The following VDAC1 variants were observed in gnomAD, a reference collection of about 807,000 sequenced individuals.
VDAC1 encodes voltage dependent anion channel 1, also known as non-selective voltage-gated ion channel VDAC1.
A neutral mutation model predicts 34.7 loss-of-function variants in VDAC1; 10 were observed. The observed-to-expected ratio is 0.29, with a 90% CI of 0.18 to 0.49. VDAC1 has a LOEUF of 0.49. Among genes scored for constraint, VDAC1 ranks in the 20% least tolerant of loss-of-function variants. VDAC1 has a pLI of 0.99. For synonymous variants in VDAC1, 130 were observed against 136.0 expected (o/e 0.96, Z 0.30); for missense variants, 230 against 347.9 (o/e 0.66, Z 2.69).
At chr5:134,089,694 G>A in the VDAC1 span, among the ~76,000 whole-genome samples, 1 of 114,674 alleles carries the variant, frequency 8.7e-6, no homozygotes, top group Non-Finnish European at 1.6e-5. Context: ...TCATGGCCGG[G>A]TGCGGTGGCT....
rs567451916 is a variant in VDAC1, at chr5:133,982,731, A to C, written c.324-1775T>G. ...ATGGCAAAACCCCATCTCTACTAAAAATGCAAAAATTAGCTGGGTGTGGTG... is the reference window on the plus strand; with the variant it reads ...ATGGCAAAACCCCATCTCTACTAAACATGCAAAAATTAGCTGGGTGTGGTG... On this transcript the variant is annotated intron_variant, in intron 5 of 8. Transcript: ENST00000265333. Among the ~76,000 whole-genome samples the C allele has an allele frequency of 2.2e-4, 33 of 151,582 alleles. 1 individual carries two copies. The highest frequency in any genetic ancestry group is 9.2e-4 in the Admixed American group (14 of 15,206).
the VDAC1 span, among the ~76,000 whole-genome samples, chr5:134,019,664 T>A: frequency 6.6e-6 from 1 of 152,102 alleles, no homozygotes; most frequent in African/African-American, 2.4e-5. Context: ...AGAAGCCACA[T>A]TTCTCTACCT....
the VDAC1 span, among the ~76,000 whole-genome samples, chr5:134,011,935 C>T: frequency 2.0e-5 from 3 of 152,024 alleles, no homozygotes; most frequent in Non-Finnish European, 4.4e-5. Flanking sequence ...CCACCATGCC[C>T]GGCCTACAGT....
the VDAC1 span, among the ~76,000 whole-genome samples, chr5:134,052,542 C>G: frequency 6.6e-6 from 1 of 152,106 alleles, no homozygotes; most frequent in Admixed American, 6.6e-5. Context: ...GTGATCCTCC[C>G]AAAGTGCTGG....
At chr5:134,085,463 G>A in the VDAC1 span, among the ~76,000 whole-genome samples, 1 of 151,976 alleles carries the variant, frequency 6.6e-6, no homozygotes, top group South Asian at 2.1e-4. Context: ...ACACAATTAT[G>A]GGACCTCCTC....
the VDAC1 span, among the ~76,000 whole-genome samples, chr5:134,083,046 C>G: frequency 3.3e-5 from 5 of 152,112 alleles, no homozygotes; most frequent in Non-Finnish European, 7.3e-5. Flanking sequence ...AATATGGTAA[C>G]CTTGCAATGG....
chr5:134,017,790 G>A, the VDAC1 span, among the ~76,000 whole-genome samples: 13 of 152,142 alleles, frequency 8.5e-5, no homozygotes, highest in Non-Finnish European at 1.6e-4. Context: ...GCAGGCGACT[G>A]TAGTCCCAGC....
At chr5:134,054,713 G>T in the VDAC1 span, among the ~76,000 whole-genome samples, 2 of 152,164 alleles carry the variant, frequency 1.3e-5, no homozygotes, top group African/African-American at 4.8e-5. Context: ...CGCCCACCTT[G>T]GCCTCCCAAT....
At chr5:134,052,130 A>T in the VDAC1 span, among the ~76,000 whole-genome samples, 3 of 152,176 alleles carry the variant, frequency 2.0e-5, no homozygotes, top group Non-Finnish European at 4.4e-5. Context: ...AGGAAGATGC[A>T]TCTTCTTACC....
the VDAC1 span, among the ~76,000 whole-genome samples, chr5:134,058,380 C>T: frequency 2.0e-5 from 3 of 151,874 alleles, no homozygotes; most frequent in South Asian, 6.3e-4. Context: ...GTGGTGCAAT[C>T]TCGGCTCACT....
the VDAC1 span, among the ~76,000 whole-genome samples, chr5:134,052,988 G>A: frequency 6.6e-6 from 1 of 152,152 alleles, no homozygotes; most frequent in East Asian, 1.9e-4. Flanking sequence ...GGTGGTGCAC[G>A]CCTGTAATCC....
At chr5:134,074,646 C>T in the VDAC1 span, among the ~76,000 whole-genome samples, 1 of 152,146 alleles carries the variant, frequency 6.6e-6, no homozygotes, top group South Asian at 2.1e-4. Flanking sequence ...CTTCCCAGGC[C>T]TCTTCTCCTC....
the VDAC1 span, among the ~76,000 whole-genome samples, chr5:134,104,867 G>A: frequency 6.6e-6 from 1 of 152,240 alleles, no homozygotes; most frequent in East Asian, 1.9e-4. Context: ...GCACTCGGAG[G>A]AGCTGCCCTG....
the VDAC1 span, among the ~76,000 whole-genome samples, chr5:134,071,297 C>G: frequency 6.6e-6 from 1 of 152,226 alleles, no homozygotes; most frequent in Non-Finnish European, 1.5e-5. This position sits in a 1 kb window ranked among gnomAD's most constrained non-coding sequence, Gnocchi z 4.1. Flanking sequence ...GCAGCCAGCG[C>G]GGCCACTTCA....
the VDAC1 span, among the ~76,000 whole-genome samples, chr5:134,037,556 C>T: frequency 6.6e-6 from 1 of 152,242 alleles, no homozygotes; most frequent in Admixed American, 6.5e-5. Flanking sequence ...CAACCAACTG[C>T]AAATCAAAGA....
the VDAC1 span, among the ~76,000 whole-genome samples, chr5:134,062,801 T>G: frequency 5.3e-5 from 8 of 151,456 alleles, no homozygotes; most frequent in Non-Finnish European, 7.4e-5. Flanking sequence ...TAATTTTTGT[T>G]TTTTTAGTAG....
the VDAC1 span, among the ~76,000 whole-genome samples, chr5:134,024,857 G>C: frequency 6.6e-6 from 1 of 152,216 alleles, no homozygotes; most frequent in Non-Finnish European, 1.5e-5. Context: ...GCTGGAGAGA[G>C]AGGCTCAGCT....
chr5:134,077,774 G>C, the VDAC1 span, among the ~76,000 whole-genome samples: 2 of 152,170 alleles, frequency 1.3e-5, no homozygotes, highest in African/African-American at 2.4e-5. Flanking sequence ...ATTTCTCTAG[G>C]AGTCCAATAA....
chr5:134,090,606 G>T, the VDAC1 span, among the ~76,000 whole-genome samples: 1 of 152,132 alleles, frequency 6.6e-6, no homozygotes. Flanking sequence ...TCCACCCTTG[G>T]GCCCCGTGCC....
Sources: allele counts gnomAD v4.1 joint callset (sites outside exome capture counted in the v4.1 genomes callset), GRCh38; gene constraint gnomAD v4.1.1; non-coding constraint Gnocchi (gnomAD v3.1); transcripts MANE v1.5; gene names NCBI Gene and HGNC (gene_info 2026-07-23, HGNC 2026-07-21).